The following GRIN2A variants were observed in gnomAD, a reference collection of about 807,000 sequenced individuals.
The protein encoded by GRIN2A is glutamate receptor ionotropic, NMDA 2A.
Under a neutral mutation model 113.4 loss-of-function variants are expected in GRIN2A, and 22 were observed. The ratio of observed to expected loss-of-function variants is 0.19; its 90% CI spans 0.14 to 0.28. GRIN2A has a LOEUF of 0.28. Among genes scored for constraint, GRIN2A ranks in the 10% least tolerant of loss-of-function variants. The probability of loss-of-function intolerance (pLI) is 1.00; values close to 1 mark genes in which losing one functional copy is unlikely to be tolerated. For synonymous variants in GRIN2A, 827 were observed against 738.4 expected (o/e 1.12, Z -1.94); for missense variants, 1,502 against 1,887.0 (o/e 0.80, Z 3.78).
intron 8 of GRIN2A, 79 bp from the exon 9 acceptor site, chr16:9,829,731 C>G (rs1043718054): frequency 4.4e-6 from 4 of 909,824 alleles, no homozygotes; most frequent in African/African-American, 3.3e-5. Flanking sequence ...GCAGCAGCCA[C>G]CAGCAGCACC....
chr16:10,061,060 T>C (rs1234609420), intron 2 of GRIN2A, among the ~76,000 whole-genome samples: 2 of 152,168 alleles, frequency 1.3e-5, no homozygotes, highest in Non-Finnish European at 2.9e-5. Flanking sequence ...TGACCAACAA[T>C]AGACTGAAAT....
At chr16:10,127,485 G>A (rs765320391) in intron 2 of GRIN2A, among the ~76,000 whole-genome samples, 4 of 151,992 alleles carry the variant, frequency 2.6e-5, no homozygotes, top group East Asian at 1.9e-4. Flanking sequence ...AACTACCACC[G>A]CCCTGGGAGG....
chr16:9,927,895 A>T (rs1041356648), intron 3 of GRIN2A, among the ~76,000 whole-genome samples: 3 of 152,234 alleles, frequency 2.0e-5, no homozygotes, highest in African/African-American at 7.2e-5. Context: ...TCACATGGAA[A>T]ACTGGGCAGT....
chr16:10,106,920 T>C (rs909377204), intron 2 of GRIN2A, among the ~76,000 whole-genome samples: 5 of 152,058 alleles, frequency 3.3e-5, no homozygotes, highest in Non-Finnish European at 7.4e-5. Flanking sequence ...AGAATAGACA[T>C]TGCCATTACC....
At chr16:9,964,174 C>T (rs1253402118) in intron 2 of GRIN2A, among the ~76,000 whole-genome samples, 2 of 152,230 alleles carry the variant, frequency 1.3e-5, no homozygotes, top group Non-Finnish European at 2.9e-5. Flanking sequence ...TGTGCAAAGG[C>T]ACTGCCGCAT....
intron 4 of GRIN2A, among the ~76,000 whole-genome samples, chr16:9,851,675 G>A (rs1040951498): frequency 6.6e-6 from 1 of 152,184 alleles, no homozygotes; most frequent in Non-Finnish European, 1.5e-5. Context: ...GTGGGTAAGA[G>A]AATGGCTTTT....
intron 2 of GRIN2A, among the ~76,000 whole-genome samples, chr16:10,139,388 G>T (rs746248790): frequency 2.0e-5 from 3 of 152,178 alleles, no homozygotes; most frequent in Non-Finnish European, 4.4e-5. Flanking sequence ...AGGGGCAGCT[G>T]AAAGCCTCAT....
intron 10 of GRIN2A, among the ~76,000 whole-genome samples, chr16:9,804,591 C>A (rs747820158): frequency 1.8e-4 from 27 of 152,018 alleles, no homozygotes; most frequent in Non-Finnish European, 2.9e-4. Context: ...GACAGAGACA[C>A]CATCTGACAC....
chr16:9,888,049 T>C (rs2141474347), intron 4 of GRIN2A, among the ~76,000 whole-genome samples: 1 of 152,328 alleles, frequency 6.6e-6, no homozygotes, highest in Middle Eastern at 3.4e-3. Flanking sequence ...CAAGTGATTC[T>C]TGTGCCTCAG....
chr16:10,001,794 A>T (rs2046325646), intron 2 of GRIN2A, among the ~76,000 whole-genome samples: 1 of 152,224 alleles, frequency 6.6e-6, no homozygotes, highest in Non-Finnish European at 1.5e-5. Flanking sequence ...ATCCAACGGG[A>T]AATTATGGCA....
chr16:9,925,699 T>C (rs997755373), intron 3 of GRIN2A, among the ~76,000 whole-genome samples: 1 of 152,190 alleles, frequency 6.6e-6, no homozygotes, highest in African/African-American at 2.4e-5. Context: ...TTAAAAACAA[T>C]CATTTCAAAT....
intron 11 of GRIN2A, among the ~76,000 whole-genome samples, chr16:9,790,069 C>T (rs1902512404): frequency 1.3e-5 from 2 of 152,184 alleles, no homozygotes; most frequent in East Asian, 1.9e-4. Context: ...ATTGTTTCTC[C>T]TGTCTTGCCT....
chr16:10,069,888 G>A (rs1847207093), intron 2 of GRIN2A, among the ~76,000 whole-genome samples: 1 of 152,162 alleles, frequency 6.6e-6, no homozygotes, highest in African/African-American at 2.4e-5. Context: ...GATGGTGAGT[G>A]CAATTACTAA....
In GRIN2A at chr16:9,761,423, C is replaced by T. The variant is rs528939108; in HGVS notation, c.*1726G>A. Reference sequence around the variant, plus strand: ...CGAGTCTACATTAGCTTAGTGTTTCCGTAATGGCCCAAAACAGACTGAGGT... The same window carrying T: ...CGAGTCTACATTAGCTTAGTGTTTCTGTAATGGCCCAAAACAGACTGAGGT... On this transcript the variant is annotated 3_prime_UTR_variant, in exon 13 of 13. Coordinates refer to ENST00000330684, the MANE Select transcript of GRIN2A (RefSeq NM_001134407.3). The T allele has an allele frequency of 6.1e-5, 14 of 230,844 alleles. No homozygotes were observed. The highest frequency in any genetic ancestry group is 3.6e-4 in the South Asian group (2 of 5,506). 14.3% of individuals were successfully genotyped at this position (230,844 alleles called of 1,614,324 possible).
chr16:9,804,182 C>G (rs189002697), intron 10 of GRIN2A, among the ~76,000 whole-genome samples: 3 of 152,110 alleles, frequency 2.0e-5, no homozygotes, highest in African/African-American at 7.2e-5. Flanking sequence ...AACGGAAGCC[C>G]GCCATATTTC....
At chr16:9,795,463 C>T (rs1199726718) in intron 11 of GRIN2A, among the ~76,000 whole-genome samples, 2 of 152,188 alleles carry the variant, frequency 1.3e-5, no homozygotes, top group Non-Finnish European at 2.9e-5. Context: ...TCTGCTCTGT[C>T]TATGGAGTAG....
chr16:10,081,195 C>T (rs11648322), intron 2 of GRIN2A, among the ~76,000 whole-genome samples: 42,442 of 152,106 alleles, frequency 0.28, 6,850 homozygotes, highest in Non-Finnish European at 0.36. Flanking sequence ...CTCACTGCTA[C>T]GCCTTCCCAC....
At chr16:9,794,698 A>G (rs1407461985) in intron 11 of GRIN2A, 1 of 152,218 alleles carries the variant, frequency 6.6e-6, no homozygotes, top group Non-Finnish European at 1.5e-5. Context: ...AGAACAGAAA[A>G]TATCGATGAG....
intron 12 of GRIN2A, 24 bp from the exon 13 acceptor site, chr16:9,764,972 C>G (rs202102109): frequency 8.2e-5 from 132 of 1,613,554 alleles, no homozygotes; most frequent in Middle Eastern, 3.4e-4. Context: ...ACATAAAGCA[C>G]TGTCAGCAGC....
Sources: allele counts gnomAD v4.1 joint callset (sites outside exome capture counted in the v4.1 genomes callset), GRCh38; gene constraint gnomAD v4.1.1; transcripts MANE v1.5; gene names NCBI Gene and HGNC (gene_info 2026-07-23, HGNC 2026-07-21).